ADA2: variants seen among roughly 807,000 people sequenced by gnomAD.
ADA2 encodes the protein adenosine deaminase 2, also known as adenosine deaminase CECR1.
A neutral mutation model predicts 44.2 loss-of-function variants in ADA2; 29 were observed. That is an observed-to-expected ratio of 0.66 (90% CI 0.49 to 0.89). The LOEUF (loss-of-function observed/expected upper bound fraction) is 0.89. Ranked by LOEUF, ADA2 falls within the 40% of genes least tolerant of loss-of-function variation. The probability of loss-of-function intolerance (pLI) is 0.00; values close to 1 mark genes in which losing one functional copy is unlikely to be tolerated. For missense variants in ADA2, 637 were observed against 644.8 expected, an observed-to-expected ratio of 0.99 and a Z score of 0.13; for synonymous variants, 215 against 234.9, an observed-to-expected ratio of 0.92 and a Z score of 0.77.
At chr22:17,199,447 C>CCCTCCCCTCCTCTATCCTCTTCCCCTA in intron 4 of ADA2, 4 of 1,119,254 alleles carry the variant, frequency 3.6e-6, no homozygotes, top group Admixed American at 1.7e-5. Context: ...CTCTTCCCCT[C>CCCTCCCCTCCTCTATCCTCTTCCCCTA]CACCCACGAA....
intron 2 of ADA2, among the ~76,000 whole-genome samples, chr22:17,208,820 A>T (rs1251883444): frequency 7.5e-6 from 1 of 133,996 alleles, no homozygotes; most frequent in Non-Finnish European, 1.6e-5. Flanking sequence ...ATTTTTTTTA[A>T]TAAAAAAAAA....
chr22:17,191,229 CTGGAG>C (rs2062110490), intron 5 of ADA2, among the ~76,000 whole-genome samples: 1 of 152,230 alleles, frequency 6.6e-6, no homozygotes, highest in South Asian at 2.1e-4. Flanking sequence ...CATGGTACTA[CTGGAG>C]GTCCCCACAC....
intron 1 of ADA2, among the ~76,000 whole-genome samples, chr22:17,210,133 GC>G (rs1210094307): frequency 2.0e-5 from 3 of 151,510 alleles, no homozygotes; most frequent in African/African-American, 7.3e-5. Flanking sequence ...CTCGTGATCT[GC>G]CCGCCTGGGC....
chr22:17,205,806 C>T (rs2062348259), intron 3 of ADA2, among the ~76,000 whole-genome samples: 1 of 151,876 alleles, frequency 6.6e-6, no homozygotes, highest in African/African-American at 2.4e-5. Context: ...CGGCAAAACC[C>T]CATCTCACAA....
intron 1 of ADA2, among the ~76,000 whole-genome samples, chr22:17,216,642 C>G (rs1170562188): frequency 6.6e-6 from 1 of 151,724 alleles, no homozygotes; most frequent in Admixed American, 6.6e-5. Flanking sequence ...TGCCTGTAAT[C>G]CCAGCTACTT....
At chr22:17,211,913 T>C (rs2062422643) in intron 1 of ADA2, among the ~76,000 whole-genome samples, 1 of 151,590 alleles carries the variant, frequency 6.6e-6, no homozygotes, top group Admixed American at 6.6e-5. Flanking sequence ...GCCAACAGAG[T>C]GAGACTCCGT....
At chr22:17,208,146 C>T (rs557923465) in intron 2 of ADA2, among the ~76,000 whole-genome samples, 1 of 152,190 alleles carries the variant, frequency 6.6e-6, no homozygotes, top group Admixed American at 6.6e-5. Flanking sequence ...AAAAAAACAG[C>T]TGGGCACAGT....
chr22:17,211,416 C>G (rs2062417111), intron 1 of ADA2, among the ~76,000 whole-genome samples: 1 of 151,876 alleles, frequency 6.6e-6, no homozygotes, highest in Non-Finnish European at 1.5e-5. Context: ...GTGGATTGCT[C>G]AAGCCCAGGA....
chr22:17,200,210 A>AAACG (rs145421300), intron 4 of ADA2, among the ~76,000 whole-genome samples: 3,748 of 152,138 alleles, frequency 0.025, 82 homozygotes, highest in Non-Finnish European at 0.038. Context: ...ACAAACAAAC[A>AAACG]CAAGAATCAC....
At chr22:17,199,111 A>G (rs2062235153) in intron 4 of ADA2, among the ~76,000 whole-genome samples, 1 of 152,116 alleles carries the variant, frequency 6.6e-6, no homozygotes, top group South Asian at 2.1e-4. Flanking sequence ...AAATGGGCAC[A>G]TCCCCTCCCC....
intron 5 of ADA2, among the ~76,000 whole-genome samples, chr22:17,191,203 C>T (rs1027993191): frequency 9.8e-5 from 15 of 152,336 alleles, no homozygotes; most frequent in Admixed American, 5.2e-4. Context: ...CTTTCACCCA[C>T]GTGCCAGGCC....
rs760566233 is a variant in ADA2, at chr22:17,212,406, G to A, written c.-46-2683C>T. 1.8e-4 allele frequency among the ~76,000 whole-genome samples: 27 copies of A among 151,990 alleles called. No individual in the cohort carries two copies. The Middle Eastern group carries it at 0.01, about 57-fold the overall frequency. On this transcript the variant is annotated intron_variant, in intron 1 of 9. Transcript: ENST00000399837. ...GAGCCTCCCAGCTCCTGAGTAGCTG[G>A]GACTACAGGCATGTGCCACCAGGCC...
chr22:17,183,955 CTTTTTTTTT>C (rs33921509), intron 7 of ADA2, among the ~76,000 whole-genome samples: 41 of 79,778 alleles, frequency 5.1e-4, no homozygotes, highest in Non-Finnish European at 7.4e-4. Flanking sequence ...TCACACCTTT[CTTTTTTTTT>C]TTTTTTTTTT....
upstream of ADA2, among the ~76,000 whole-genome samples, chr22:17,220,730 C>T (rs1157688739): frequency 1.3e-5 from 2 of 152,102 alleles, no homozygotes; most frequent in South Asian, 2.1e-4. Context: ...CAAAAGCCCA[C>T]GGCAGTTTCA....
intron 4 of ADA2, among the ~76,000 whole-genome samples, chr22:17,201,202 C>CAA (rs5844297): frequency 1.4e-4 from 17 of 125,444 alleles, no homozygotes; most frequent in African/African-American, 3.8e-4. Context: ...GAAATTCTGT[C>CAA]AAAAAAAAAA....
In ADA2 at chr22:17,203,697, A is replaced by G; in HGVS notation, c.619T>C (p.Phe207Leu). Residue 207 changes from phenylalanine (F) to leucine (L), a missense_variant, in exon 4 of 10, where the codon TTT (phenylalanine) becomes CTT (leucine). Physicochemically the swap from Phe to Leu is conservative, Grantham distance 22 (BLOSUM62 0). Coordinates refer to ENST00000399837, the MANE Select transcript of ADA2 (RefSeq NM_001282225.2). ...YTNQNVVWSKFETIFFTISGL... is the reference protein window; with the variant it reads ...YTNQNVVWSKLETIFFTISGL... ...GAGATGGTGAAGAAGATGGTTTCAA[A>G]TTTCGACCAGACAACATTTTGGTTT... 1 of 1,614,170 alleles carries G rather than the reference A, an allele frequency of 6.2e-7. No individual in the cohort carries two copies. Among genetic ancestry groups the G allele is most frequent in the Non-Finnish European group, 8.5e-7 (1 of 1,180,000 alleles).
intron 4 of ADA2, among the ~76,000 whole-genome samples, chr22:17,202,522 C>T (rs558169595): frequency 6.6e-6 from 1 of 152,312 alleles, no homozygotes; most frequent in African/African-American, 2.4e-5. Flanking sequence ...CAGCCTTAGC[C>T]TCCCAAAGTG....
chr22:17,214,089 G>A, intron 1 of ADA2: 1 of 651,590 alleles, frequency 1.5e-6, no homozygotes, highest in South Asian at 1.4e-5. Context: ...AGCAGAGAGT[G>A]GAGGACTTCA....
chr22:17,192,754 G>A (rs1308704806), intron 4 of ADA2, among the ~76,000 whole-genome samples: 5 of 151,736 alleles, frequency 3.3e-5, no homozygotes, highest in East Asian at 3.9e-4. Context: ...GCTTGAACCC[G>A]GGAGGCAGAG....
Sources: gnomAD v4.1 joint callset for allele counts (sites outside exome capture counted in the v4.1 genomes callset) on GRCh38, gnomAD v4.1.1 for gene constraint, MANE v1.5 for transcripts, NCBI Gene and HGNC (gene_info 2026-07-23, HGNC 2026-07-21) for gene names.